Variants in TENM4 observed in about 807,000 individuals in gnomAD.
TENM4 encodes teneurin transmembrane protein 4.
TENM4 carries 82 observed loss-of-function variants against 243.3 expected under a neutral mutation model. The observed-to-expected ratio is 0.34, with a 90% CI of 0.28 to 0.40. The LOEUF (loss-of-function observed/expected upper bound fraction) is 0.40, where lower values mean the gene tolerates loss of function less well. Ranked by LOEUF, TENM4 falls within the 10% of genes least tolerant of loss-of-function variation. The probability of loss-of-function intolerance (pLI) is 1.00; values close to 1 mark genes in which losing one functional copy is unlikely to be tolerated. For missense variants in TENM4, 3,138 were observed against 3,673.3 expected (o/e 0.85, Z 3.77); for synonymous variants, 1,412 against 1,456.3 (o/e 0.97, Z 0.69).
intron 4 of TENM4, among the ~76,000 whole-genome samples, chr11:79,101,506 C>T (rs143123593): frequency 2.2e-4 from 34 of 152,282 alleles, no homozygotes; most frequent in East Asian, 1.4e-3. Flanking sequence ...ATTGACATGG[C>T]GGAGAGGCTC....
chr11:79,253,118 C>A (rs1191157277), intron 2 of TENM4, among the ~76,000 whole-genome samples: 1 of 152,226 alleles, frequency 6.6e-6, no homozygotes, highest in Non-Finnish European at 1.5e-5. Flanking sequence ...AAGGCTTATT[C>A]TGTCTGTGAA....
At position 78,805,277 on chromosome 11, in the gene TENM4, T is replaced by TGCCCCCCCCCCCCCACCCCC; in HGVS notation, c.2179+14_2179+15insGGGGGTGGGGGGGGGGGGGC. The TGCCCCCCCCCCCCCACCCCC allele has an allele frequency of 5.0e-6, 7 of 1,402,550 alleles. No individual in the cohort carries two copies. Among genetic ancestry groups the TGCCCCCCCCCCCCCACCCCC allele is most frequent in the East Asian group, 3.1e-5 (1 of 32,218 alleles). 86.9% of individuals were successfully genotyped at this position (1,402,550 alleles called of 1,614,324 possible). On this transcript the variant is annotated intron_variant, in intron 15 of 33. Coordinates refer to ENST00000278550, the MANE Select transcript of TENM4 (RefSeq NM_001098816.3). ...CCCCTCCCTCTACCCATGCTTCTTC[T>TGCCCCCCCCCCCCCACCCCC]CCCCCTGCATTTACCGATAGAACAG...
chr11:79,389,810 A>G (rs1304110135), intron 1 of TENM4, among the ~76,000 whole-genome samples: 2 of 152,256 alleles, frequency 1.3e-5, no homozygotes, highest in Admixed American at 6.5e-5. Flanking sequence ...TATATTTTGA[A>G]TGTCATCAAT....
At chr11:79,211,022 A>G (rs1352063531) in intron 3 of TENM4, among the ~76,000 whole-genome samples, 1 of 152,070 alleles carries the variant, frequency 6.6e-6, no homozygotes, top group African/African-American at 2.4e-5. Context: ...ACCGACCCCA[A>G]CCTGGAACCA....
chr11:79,368,378 C>T (rs1334684845), intron 1 of TENM4, among the ~76,000 whole-genome samples: 1 of 152,258 alleles, frequency 6.6e-6, no homozygotes, highest in Non-Finnish European at 1.5e-5. Flanking sequence ...TGTCCACCAA[C>T]CTCGACAGAG....
At chr11:79,167,783 C>A (rs1157418149) in intron 3 of TENM4, among the ~76,000 whole-genome samples, 2 of 152,124 alleles carry the variant, frequency 1.3e-5, no homozygotes, top group African/African-American at 2.4e-5. Context: ...GTGGAGGACA[C>A]CCCCAGGTCT....
chr11:78,803,986 G>A (rs202099675), intron 15 of TENM4, among the ~76,000 whole-genome samples: 2 of 152,240 alleles, frequency 1.3e-5, no homozygotes, highest in East Asian at 3.9e-4. Flanking sequence ...TATTCAACAG[G>A]GAAAGGTAAT....
At chr11:79,302,498 C>A (rs1261586176) in intron 1 of TENM4, among the ~76,000 whole-genome samples, 1 of 152,138 alleles carries the variant, frequency 6.6e-6, no homozygotes, top group African/African-American at 2.4e-5. Context: ...ATATAGTATA[C>A]CAAATTATAT....
At chr11:78,940,737 G>GCCC (rs1856873974) in intron 6 of TENM4, among the ~76,000 whole-genome samples, 1 of 152,158 alleles carries the variant, frequency 6.6e-6, no homozygotes, top group Non-Finnish European at 1.5e-5. Flanking sequence ...ATATGCTTGG[G>GCCC]CAGGTCACCC....
chr11:79,254,116 T>C (rs1855660440), intron 2 of TENM4, among the ~76,000 whole-genome samples: 1 of 152,218 alleles, frequency 6.6e-6, no homozygotes, highest in Non-Finnish European at 1.5e-5. Context: ...GTAGGTCAAT[T>C]TGGCAATCAA....
chr11:79,208,910 T>G (rs1863901144), intron 3 of TENM4, among the ~76,000 whole-genome samples: 2 of 152,172 alleles, frequency 1.3e-5, no homozygotes, highest in African/African-American at 4.8e-5. Flanking sequence ...GGAAGACCCA[T>G]TTCTCAGCGG....
intron 5 of TENM4, among the ~76,000 whole-genome samples, chr11:79,067,126 A>T (rs1157720298): frequency 6.6e-6 from 1 of 152,162 alleles, no homozygotes; most frequent in African/African-American, 2.4e-5. Flanking sequence ...ATGTCCGCGG[A>T]CCAGGCATAA....
intron 6 of TENM4, among the ~76,000 whole-genome samples, chr11:78,992,406 G>C (rs1858067859): frequency 6.6e-6 from 1 of 152,210 alleles, no homozygotes; most frequent in Non-Finnish European, 1.5e-5. Flanking sequence ...CTTCTCTCTT[G>C]TACTGATCTC....
At chr11:79,004,191 T>C (rs559383487) in intron 6 of TENM4, among the ~76,000 whole-genome samples, 2 of 152,236 alleles carry the variant, frequency 1.3e-5, no homozygotes, top group African/African-American at 2.4e-5. Flanking sequence ...ATAATAATAG[T>C]GGGAGCTGTC....
At chr11:79,074,378 G>C (rs1860485384) in intron 4 of TENM4, among the ~76,000 whole-genome samples, 1 of 152,156 alleles carries the variant, frequency 6.6e-6, no homozygotes, top group South Asian at 2.1e-4. Flanking sequence ...GCTGGGGAAG[G>C]GGCCCACCTC....
chr11:78,913,668 G>A (rs1856248752), intron 6 of TENM4, among the ~76,000 whole-genome samples: 1 of 151,864 alleles, frequency 6.6e-6, no homozygotes, highest in African/African-American at 2.4e-5. Context: ...GGAGTCGGCA[G>A]TGTGATGGAG....
At chr11:79,291,746 C>G (rs1206083448) in intron 2 of TENM4, among the ~76,000 whole-genome samples, 2 of 152,200 alleles carry the variant, frequency 1.3e-5, no homozygotes, top group Non-Finnish European at 2.9e-5. Flanking sequence ...AGCCCTGGTT[C>G]CACCCAAAGA....
At chr11:78,672,467 G>T in intron 30 of TENM4, 138 bp from the exon 31 acceptor site, 1 of 895,502 alleles carries the variant, frequency 1.1e-6, no homozygotes. Context: ...CAACAGACAT[G>T]GGTTTGAATC....
intron 9 of TENM4, among the ~76,000 whole-genome samples, chr11:78,883,297 C>T (rs1224482286): frequency 6.6e-6 from 1 of 152,138 alleles, no homozygotes; most frequent in Non-Finnish European, 1.5e-5. Flanking sequence ...GCACAACAGC[C>T]TTATGAAAGT....
Sources: allele counts gnomAD v4.1 joint callset (sites outside exome capture counted in the v4.1 genomes callset), GRCh38; gene constraint gnomAD v4.1.1; transcripts MANE v1.5; gene names NCBI Gene and HGNC (gene_info 2026-07-23, HGNC 2026-07-21).